The following CPLANE1 variants were observed in gnomAD, a reference collection of about 807,000 sequenced individuals.
CPLANE1 encodes the protein ciliogenesis and planar polarity effector complex subunit 1.
In CPLANE1, 263 loss-of-function variants were observed where a neutral mutation model predicts 362.5. The observed-to-expected ratio is 0.73, with a 90% CI of 0.66 to 0.80. The LOEUF is 0.80. Among genes scored for constraint, CPLANE1 ranks in the 30% least tolerant of loss-of-function variants. The pLI is 0.00. For synonymous variants in CPLANE1, 1,212 were observed against 1,302.6 expected (o/e 0.93, Z 1.50); for missense variants, 3,461 against 3,793.4 (o/e 0.91, Z 2.30).
At chr5:37,175,700 A>C (rs1293051057) in intron 31 of CPLANE1, among the ~76,000 whole-genome samples, 1 of 152,230 alleles carries the variant, frequency 6.6e-6, no homozygotes, top group African/African-American at 2.4e-5. Flanking sequence ...GTAACTTTAA[A>C]ATACAATCGC....
intron 6 of CPLANE1, 29 bp from the exon 7 acceptor site, chr5:37,239,898 A>G: frequency 1.4e-6 from 2 of 1,422,294 alleles, no homozygotes; most frequent in Non-Finnish European, 1.9e-6. Context: ...AATTGAAAAC[A>G]AAAGGTATAG....
chr5:37,227,879 T>C (rs1480983918), intron 9 of CPLANE1, 62 bp from the exon 10 acceptor site: 12 of 1,433,364 alleles, frequency 8.4e-6, no homozygotes, highest in South Asian at 2.9e-5. Context: ...AAAACAATAA[T>C]GTTTTTCAAA....
In CPLANE1 at chr5:37,226,972, T is replaced by C. The variant is rs1420586506; in HGVS notation, c.1623A>G (p.Glu541=). The C allele has an allele frequency of 9.0e-6, 14 of 1,551,788 alleles. No homozygotes were observed. Among genetic ancestry groups the C allele is most frequent in the Non-Finnish European group, 1.2e-5 (14 of 1,146,980 alleles). ...RDDVLCSSMK[E]GRLEFASMFD... ...ACATAGATGCAAATTCCAATCTTCC[T>C]TCCTTCATACTACTACACAGCACAT... is the stretch of plus-strand genomic sequence containing the variant. Residue 541 remains glutamate (E), a synonymous_variant, in exon 12 of 53, where the codon GAA becomes GAG. Coordinates refer to ENST00000651892, the MANE Select transcript of CPLANE1 (RefSeq NM_001384732.1).
intron 51 of CPLANE1, among the ~76,000 whole-genome samples, chr5:37,111,024 G>A (rs1316861325): frequency 6.6e-6 from 1 of 151,538 alleles, no homozygotes; most frequent in Non-Finnish European, 1.5e-5. Flanking sequence ...AGCCAGGATG[G>A]TCTCAATCTC....
Position 37,185,092 on chromosome 5 carries a change from G to T in CPLANE1, c.4190-13C>A. On this transcript the variant is annotated splice_polypyrimidine_tract_variant and intron_variant, in intron 24 of 52. Coordinates refer to ENST00000651892, the MANE Select transcript of CPLANE1 (RefSeq NM_001384732.1). ...TCAGTCTGGGGTCCTGGAAAGAAAA[G>T]AATAAAAAGTCTTAGTGTTCATTAA... 6.3e-7 allele frequency: 1 copy of T among 1,584,346 alleles called. No individual in the cohort carries two copies. Among genetic ancestry groups the T allele is most frequent in the Non-Finnish European group, 8.6e-7 (1 of 1,169,516 alleles).
At chr5:37,085,351 A>G in the CPLANE1 span, 136 of 1,343,830 alleles carry the variant, frequency 1.0e-4, no homozygotes, top group Non-Finnish European at 1.2e-4. Context: ...GATAATTTCC[A>G]TCTGATCTAT....
chr5:37,103,835 G>T (rs1273155337), downstream of CPLANE1, among the ~76,000 whole-genome samples: 4 of 152,064 alleles, frequency 2.6e-5, no homozygotes, highest in Non-Finnish European at 5.9e-5. Context: ...TGTGATGATG[G>T]TGTGTTTTGG....
At chr5:37,090,981 G>A in the CPLANE1 span, among the ~76,000 whole-genome samples, 3 of 152,072 alleles carry the variant, frequency 2.0e-5, no homozygotes, top group Non-Finnish European at 2.9e-5. Context: ...TTATGGCAAC[G>A]AACAAGACCT....
intron 47 of CPLANE1, among the ~76,000 whole-genome samples, chr5:37,123,849 A>G (rs2150120395): frequency 6.6e-6 from 1 of 151,984 alleles, no homozygotes; most frequent in South Asian, 2.1e-4. Context: ...TTTGGACACA[A>G]TTCTAACAAT....
At chr5:37,210,233 A>G in intron 16 of CPLANE1, 1 of 1,603,216 alleles carries the variant, frequency 6.2e-7, no homozygotes, top group Admixed American at 1.7e-5. Flanking sequence ...AACTTTTACT[A>G]AAAGATATGG....
chr5:37,103,503 A>G (rs1579713717), downstream of CPLANE1, among the ~76,000 whole-genome samples: 1 of 152,026 alleles, frequency 6.6e-6, no homozygotes, highest in Non-Finnish European at 1.5e-5. Flanking sequence ...AGTGGCTGGT[A>G]ATGGTTTTTC....
At chr5:37,097,858 A>G in the CPLANE1 span, among the ~76,000 whole-genome samples, 1 of 152,208 alleles carries the variant, frequency 6.6e-6, no homozygotes, top group Non-Finnish European at 1.5e-5. Flanking sequence ...TAACATCTCA[A>G]TAATAACCCT....
rs1469672651 is a variant in CPLANE1 at position 37,182,948 on chromosome 5, T to C, written c.5233A>G (p.Arg1745Gly). 1.2e-6 allele frequency: 2 copies of C among 1,605,584 alleles called. No homozygotes were observed. The highest frequency in any genetic ancestry group is 2.7e-5 in the African/African-American group (2 of 74,550). The change falls in exon 26 of 53, where the codon AGA (arginine) becomes GGA (glycine). Residue 1745 changes from arginine to glycine, a missense_variant. Transcript: ENST00000651892. ...CACCTTATCATCCATTCCAGCAGTC[T>C]TCCTATACTGCCAAAAGTGTTTAGT... ...LALNTFGSIG[R>G]LLEWMIRWSN...
chr5:37,165,742 T>C (rs187966253), intron 35 of CPLANE1, 71 bp from the exon 36 acceptor site: 24 of 1,400,864 alleles, frequency 1.7e-5, no homozygotes, highest in African/African-American at 1.6e-4. Flanking sequence ...TATCATGCTA[T>C]ATAGGGATAC....
chr5:37,119,999 A>C (rs545471748), intron 50 of CPLANE1, among the ~76,000 whole-genome samples: 2 of 151,440 alleles, frequency 1.3e-5, no homozygotes, highest in South Asian at 4.2e-4. Context: ...AAAGAAAAAG[A>C]AAAAAAAAGC....
At chr5:37,229,502 G>A (rs916701867) in intron 9 of CPLANE1, among the ~76,000 whole-genome samples, 5 of 151,462 alleles carry the variant, frequency 3.3e-5, no homozygotes, top group African/African-American at 1.2e-4. Flanking sequence ...TGGCGCCACC[G>A]CACTCCAGCC....
chr5:37,142,517 G>A (rs781656098), intron 43 of CPLANE1, 37 bp from the exon 44 acceptor site: 1 of 1,316,102 alleles, frequency 7.6e-7, no homozygotes, highest in East Asian at 2.6e-5. Flanking sequence ...AAATAAAATA[G>A]TAGAGGAAAA....
Position 37,226,794 on chromosome 5 carries a change from A to G in CPLANE1, c.1801T>C (p.Cys601Arg). Residue 601 changes from cysteine (C) to arginine (R), a missense_variant, in exon 12 of 53, where the codon TGT (cysteine) becomes CGT (arginine). Coordinates refer to ENST00000651892, the MANE Select transcript of CPLANE1 (RefSeq NM_001384732.1). Reference protein sequence around the residue: ...KNLMLNYIVVCITHFFYILQF... With the variant: ...KNLMLNYIVVRITHFFYILQF... ...AGAATGTAAAAAAAATGAGTGATACAAACTACTATGTAATTTAACATTAAA... is the reference window on the plus strand; with the variant it reads ...AGAATGTAAAAAAAATGAGTGATACGAACTACTATGTAATTTAACATTAAA... 1 of 1,548,084 alleles carries G rather than the reference A, an allele frequency of 6.5e-7. No homozygotes were observed. Among genetic ancestry groups the G allele is most frequent in the South Asian group, 1.2e-5 (1 of 83,116 alleles).
intron 14 of CPLANE1, among the ~76,000 whole-genome samples, 172 bp from the exon 15 acceptor site, chr5:37,221,660 G>A (rs1795379914): frequency 1.3e-5 from 2 of 152,018 alleles, no homozygotes. Context: ...TTTTTCACAG[G>A]TGATCTGGGT....
Sources: gnomAD v4.1 joint callset for allele counts (sites outside exome capture counted in the v4.1 genomes callset) on GRCh38, gnomAD v4.1.1 for gene constraint, MANE v1.5 for transcripts, NCBI Gene and HGNC (gene_info 2026-07-23, HGNC 2026-07-21) for gene names.